The following L2HGDH variants were observed in gnomAD, a reference collection of about 807,000 sequenced individuals.
L2HGDH encodes L-2-hydroxyglutarate dehydrogenase, mitochondrial.
Under a neutral mutation model 51.5 loss-of-function variants are expected in L2HGDH, and 34 were observed. The ratio of observed to expected loss-of-function variants is 0.66; its 90% CI spans 0.50 to 0.88. The LOEUF is 0.88. L2HGDH is among the 40% of genes least tolerant of loss of function. The probability of loss-of-function intolerance (pLI) is 0.00; values close to 1 mark genes in which losing one functional copy is unlikely to be tolerated. For synonymous variants in L2HGDH, 198 were observed against 197.9 expected (o/e 1.00, Z -0.01); for missense variants, 558 against 571.9 (o/e 0.98, Z 0.25).
chr14:50,257,367 C>T (rs1888730215), intron 9 of L2HGDH, among the ~76,000 whole-genome samples: 1 of 144,792 alleles, frequency 6.9e-6, no homozygotes. Context: ...TGAGGTTTTT[C>T]CTTTAATTTT....
intron 4 of L2HGDH, among the ~76,000 whole-genome samples, chr14:50,291,980 T>A (rs1368319430): frequency 6.6e-6 from 1 of 152,092 alleles, no homozygotes; most frequent in Non-Finnish European, 1.5e-5. Flanking sequence ...GGATACAAGG[T>A]CAGAAATCAA....
intron 9 of L2HGDH, among the ~76,000 whole-genome samples, chr14:50,250,646 G>T (rs893092055): frequency 2.0e-5 from 3 of 152,210 alleles, no homozygotes; most frequent in Admixed American, 6.5e-5. Context: ...CCCAGTGGTG[G>T]TGGCCACAGG....
chr14:50,250,708 A>G (rs537201807), intron 9 of L2HGDH, among the ~76,000 whole-genome samples: 2 of 152,294 alleles, frequency 1.3e-5, no homozygotes, highest in East Asian at 3.9e-4. Flanking sequence ...CACAGACAGA[A>G]AGAGACTCCA....
chr14:50,268,251 C>A (rs1401098428), intron 7 of L2HGDH, among the ~76,000 whole-genome samples: 2 of 151,906 alleles, frequency 1.3e-5, no homozygotes, highest in Non-Finnish European at 2.9e-5. Flanking sequence ...TGGTGGTGTG[C>A]ACCTGTGATC....
chr14:50,253,137 G>A (rs1278476774), intron 9 of L2HGDH, among the ~76,000 whole-genome samples: 1 of 151,934 alleles, frequency 6.6e-6, no homozygotes, highest in Non-Finnish European at 1.5e-5. Context: ...GAGGAATTTT[G>A]GAAATTATAT....
rs111946925 is a variant in L2HGDH, at chr14:50,278,538, A to G, written c.720T>C (p.Ile240=). The G allele has an allele frequency of 1.7e-5, 26 of 1,486,476 alleles. No individual in the cohort carries two copies. Among genetic ancestry groups the G allele is most frequent in the African/African-American group, 1.5e-4 (11 of 72,136 alleles). 92.1% of individuals were successfully genotyped at this position (1,486,476 alleles called of 1,614,324 possible). A position where few individuals can be genotyped will look rare whatever the true frequency, so the allele number is the denominator to read the frequency against. Residue 240 remains isoleucine, a synonymous_variant, in exon 6 of 10, where the codon ATT becomes ATC. Coordinates refer to ENST00000267436, the MANE Select transcript of L2HGDH (RefSeq NM_024884.3). The part of the protein sequence containing the change: ...SRSIDGMQYP[I]VIKNTKGEEI... Reference sequence around the variant, plus strand: ...TCTTTACCTTTGTATTCTTTATAACAATTGGATATTGCATTCCTGAAAAAA... The same window carrying G: ...TCTTTACCTTTGTATTCTTTATAACGATTGGATATTGCATTCCTGAAAAAA...
In L2HGDH at chr14:50,242,800, A is replaced by T. The variant is rs977764363; in HGVS notation, c.*4258T>A. Reference sequence around the variant, plus strand: ...TCAAAAATGTTTACAAGATCTTTAGATAATAGTGTATGCGCAGAAAGATGA... The same window carrying T: ...TCAAAAATGTTTACAAGATCTTTAGTTAATAGTGTATGCGCAGAAAGATGA... On this transcript the variant is annotated 3_prime_UTR_variant, in exon 10 of 10. Coordinates refer to ENST00000267436, the MANE Select transcript of L2HGDH (RefSeq NM_024884.3). 1.2e-4 allele frequency: 115 copies of T among 985,330 alleles called. No individual in the cohort carries two copies. Among genetic ancestry groups the T allele is most frequent in the Non-Finnish European group, 1.3e-4 (112 of 829,936 alleles). 61.0% of individuals were successfully genotyped at this position (985,330 alleles called of 1,614,324 possible). A position where few individuals can be genotyped will look rare whatever the true frequency, so the allele number is the denominator to read the frequency against.
chr14:50,258,920 C>T (rs1052477189), intron 9 of L2HGDH, among the ~76,000 whole-genome samples: 6 of 151,528 alleles, frequency 4.0e-5, no homozygotes, highest in South Asian at 2.1e-4. Flanking sequence ...TGGCTCACTG[C>T]TGCCTCGACC....
At chr14:50,270,456 T>A (rs1409760494) in intron 6 of L2HGDH, among the ~76,000 whole-genome samples, 1 of 152,044 alleles carries the variant, frequency 6.6e-6, no homozygotes, top group South Asian at 2.1e-4. Flanking sequence ...AGTTCTCACC[T>A]GTCTCAACAT....
At chr14:50,311,370 C>T (rs1340267874) in intron 1 of L2HGDH, 1 of 456,064 alleles carries the variant, frequency 2.2e-6, no homozygotes, top group Middle Eastern at 3.3e-4. Flanking sequence ...TATGGCCCAC[C>T]TTCTAGTCGT....
chr14:50,259,010 CTT>C (rs554295046), intron 9 of L2HGDH, among the ~76,000 whole-genome samples: 11 of 121,458 alleles, frequency 9.1e-5, no homozygotes, highest in Non-Finnish European at 8.7e-5. Flanking sequence ...ACGCCAGGCT[CTT>C]TTTTTTTTTT....
intron 9 of L2HGDH, among the ~76,000 whole-genome samples, chr14:50,255,548 A>AAG (rs1888616687): frequency 6.6e-6 from 1 of 150,954 alleles, no homozygotes. Flanking sequence ...AAAAAAAAAA[A>AAG]AAAAAGAAAA....
chr14:50,309,133 C>T (rs939158957), intron 1 of L2HGDH, among the ~76,000 whole-genome samples: 8 of 152,158 alleles, frequency 5.3e-5, no homozygotes, highest in African/African-American at 1.9e-4. Context: ...CAGTCTTTTG[C>T]AGAGCAAAAG....
At chr14:50,287,894 A>C (rs1890652301) in intron 4 of L2HGDH, among the ~76,000 whole-genome samples, 1 of 151,690 alleles carries the variant, frequency 6.6e-6, no homozygotes, top group Non-Finnish European at 1.5e-5. Flanking sequence ...GACGGGGTTT[A>C]ACCGTGTTTG....
intron 1 of L2HGDH, among the ~76,000 whole-genome samples, chr14:50,308,290 T>C (rs2030846505): frequency 6.6e-6 from 1 of 150,874 alleles, no homozygotes. Context: ...CTCGGGAGGC[T>C]GAGGCAGGAG....
intron 6 of L2HGDH, among the ~76,000 whole-genome samples, chr14:50,275,332 A>G (rs188462253): frequency 6.6e-6 from 1 of 152,344 alleles, no homozygotes; most frequent in Admixed American, 6.5e-5. Flanking sequence ...CCAATAGTAG[A>G]TAGCAACAGA....
At chr14:50,254,489 T>C (rs1888544613) in intron 9 of L2HGDH, among the ~76,000 whole-genome samples, 1 of 152,020 alleles carries the variant, frequency 6.6e-6, no homozygotes, top group Non-Finnish European at 1.5e-5. Context: ...TTATCTGAAC[T>C]CATCGAAGTA....
chr14:50,308,472 C>T (rs1421262243), intron 1 of L2HGDH, among the ~76,000 whole-genome samples: 3 of 150,690 alleles, frequency 2.0e-5, no homozygotes, highest in African/African-American at 7.3e-5. Flanking sequence ...CAAAGAAGCA[C>T]ATGAAAAGAT....
intron 5 of L2HGDH, among the ~76,000 whole-genome samples, chr14:50,278,944 G>A (rs1890114829): frequency 6.6e-6 from 1 of 152,188 alleles, no homozygotes; most frequent in South Asian, 2.1e-4. Flanking sequence ...GTTGGTTACT[G>A]GATTCCTTGC....
Sources: gnomAD v4.1 joint callset for allele counts (sites outside exome capture counted in the v4.1 genomes callset) on GRCh38, gnomAD v4.1.1 for gene constraint, MANE v1.5 for transcripts, NCBI Gene and HGNC (gene_info 2026-07-23, HGNC 2026-07-21) for gene names.